Variants in ADAM9 observed in about 807,000 individuals in gnomAD.
ADAM9 encodes disintegrin and metalloproteinase domain-containing protein 9.
A neutral mutation model predicts 108.1 loss-of-function variants in ADAM9; 54 were observed. The observed-to-expected ratio is 0.50, with a 90% CI of 0.40 to 0.63. The LOEUF (loss-of-function observed/expected upper bound fraction) is 0.63, where lower values mean the gene tolerates loss of function less well. ADAM9 is among the 20% of genes least tolerant of loss of function. The probability of loss-of-function intolerance (pLI) is 0.00; values close to 1 mark genes in which losing one functional copy is unlikely to be tolerated. For missense variants in ADAM9, 830 were observed against 997.7 expected (o/e 0.83, Z 2.26); for synonymous variants, 316 against 336.0 (o/e 0.94, Z 0.65).
At chr8:39,086,965 AT>A (rs1285895258) in intron 18 of ADAM9, among the ~76,000 whole-genome samples, 2 of 152,124 alleles carry the variant, frequency 1.3e-5, no homozygotes, top group Non-Finnish European at 2.9e-5. Flanking sequence ...TGTGGGGCTT[AT>A]TTCCACCAAT....
At chr8:39,023,118 T>G in intron 8 of ADAM9, 38 bp from the exon 9 acceptor site, 2 of 1,558,012 alleles carry the variant, frequency 1.3e-6, no homozygotes, top group Non-Finnish European at 1.8e-6. Context: ...CTCACGTTCT[T>G]TACTATATTT....
At chr8:39,080,801 C>T (rs1838996646) in intron 16 of ADAM9, among the ~76,000 whole-genome samples, 1 of 152,004 alleles carries the variant, frequency 6.6e-6, no homozygotes, top group Non-Finnish European at 1.5e-5. Context: ...AATTTTGCTC[C>T]CCACTTGCAT....
chr8:39,092,732 T>G (rs1213224270), intron 20 of ADAM9, among the ~76,000 whole-genome samples: 1 of 152,198 alleles, frequency 6.6e-6, no homozygotes, highest in Non-Finnish European at 1.5e-5. Flanking sequence ...TTAGTAGTTT[T>G]ATAGTTTCAG....
At chr8:39,027,592 A>C (rs891605472) in intron 11 of ADAM9, among the ~76,000 whole-genome samples, 2 of 152,220 alleles carry the variant, frequency 1.3e-5, no homozygotes, top group Non-Finnish European at 2.9e-5. Flanking sequence ...AGAGCTAAAA[A>C]ATAATTATAA....
intron 15 of ADAM9, among the ~76,000 whole-genome samples, chr8:39,075,514 A>G (rs1482892187): frequency 6.6e-6 from 1 of 152,190 alleles, no homozygotes; most frequent in Non-Finnish European, 1.5e-5. Context: ...TGTTTCTGTT[A>G]GTATTATTCA....
rs113649109 is a variant in ADAM9 at position 39,021,671 on chromosome 8, C to T, written c.701C>T (p.Ala234Val). The change falls in exon 8 of 22, where the codon GCT becomes GTT. Residue 234 changes from alanine (A) to valine (V), a missense_variant. Physicochemically the swap from Ala to Val is moderately conservative, Grantham distance 64. This residue lies in a region of ADAM9 where 381 missense variants were observed against 539.8 expected (regional missense o/e 0.71). Transcript: ENST00000487273. ...GACATGATGGGAAGAAATCAGACTG[C>T]TGTGAGAGAAGAGATGATTCTCCTG... is the stretch of plus-strand genomic sequence containing the variant. ...RYDMMGRNQT[A>V]VREEMILLAN... is the part of the protein sequence containing the mutation. 12,366 of 1,613,792 alleles carry T rather than the reference C, an allele frequency of 7.7e-3. 844 individuals are homozygous for T. In the African/African-American group the frequency reaches 0.15, roughly 19 times the overall value.
rs887223022 is a variant in ADAM9, at chr8:39,079,596, T to A, written c.1881+2185T>A. Among the ~76,000 whole-genome samples, 157 of 148,420 alleles carry A rather than the reference T, an allele frequency of 1.1e-3. 2 individuals carry two copies. The highest frequency in any genetic ancestry group is 1.8e-3 in the East Asian group (9 of 5,110). ...AAGCCTATTTTAAAATATCATGAAT[T>A]TTTTTTTTTTTTTTTTGGAGCCTCA... On this transcript the variant is annotated intron_variant, in intron 16 of 21. Transcript: ENST00000487273.
At chr8:39,051,974 C>T (rs1032660731) in intron 12 of ADAM9, among the ~76,000 whole-genome samples, 2 of 151,748 alleles carry the variant, frequency 1.3e-5, no homozygotes, top group African/African-American at 2.4e-5. Context: ...ATACACACGT[C>T]GTGTATATAT....
At chr8:39,072,865 G>A (rs1232034539) in intron 15 of ADAM9, among the ~76,000 whole-genome samples, 1 of 152,158 alleles carries the variant, frequency 6.6e-6, no homozygotes, top group Non-Finnish European at 1.5e-5. Context: ...AATTTACACT[G>A]ATTTTTTTCC....
chr8:39,051,544 T>C (rs1417000278), intron 12 of ADAM9, among the ~76,000 whole-genome samples: 1 of 152,230 alleles, frequency 6.6e-6, no homozygotes, highest in Non-Finnish European at 1.5e-5. Context: ...GAGAAATATT[T>C]GTGTATATAC....
At chr8:39,101,736 A>C in intron 20 of ADAM9, 127 bp from the exon 21 acceptor site, 2 of 822,472 alleles carry the variant, frequency 2.4e-6, no homozygotes, top group East Asian at 2.7e-5. Flanking sequence ...TCTGGTTCTA[A>C]GCATTTCTGA....
chr8:39,020,208 C>T (rs764564632), intron 7 of ADAM9, among the ~76,000 whole-genome samples: 1 of 152,092 alleles, frequency 6.6e-6, no homozygotes, highest in Non-Finnish European at 1.5e-5. Context: ...GCTGAGATGG[C>T]GCCACTGCAC....
intron 6 of ADAM9, chr8:39,018,518 G>T: frequency 3.5e-6 from 1 of 284,518 alleles, no homozygotes; most frequent in Non-Finnish European, 6.7e-6. Flanking sequence ...TTAGAAAATT[G>T]GTAATTCTGC....
chr8:39,044,003 T>A (rs1481074053), intron 12 of ADAM9, among the ~76,000 whole-genome samples: 1 of 152,190 alleles, frequency 6.6e-6, no homozygotes, highest in Non-Finnish European at 1.5e-5. Flanking sequence ...GTTTACCCCT[T>A]ATGGTTTGCA....
intron 18 of ADAM9, among the ~76,000 whole-genome samples, chr8:39,088,172 A>G (rs1012581391): frequency 5.9e-5 from 9 of 152,288 alleles, no homozygotes; most frequent in East Asian, 1.9e-4. Context: ...TAGCCTGCAT[A>G]TAAGTGGACC....
chr8:39,097,152 C>T (rs1839531440), intron 20 of ADAM9, among the ~76,000 whole-genome samples: 1 of 152,108 alleles, frequency 6.6e-6, no homozygotes, highest in Non-Finnish European at 1.5e-5. Context: ...GGAGGACTTA[C>T]GCTACTCAGC....
intron 15 of ADAM9, among the ~76,000 whole-genome samples, chr8:39,074,382 G>T (rs1838789977): frequency 6.6e-6 from 1 of 151,944 alleles, no homozygotes; most frequent in Admixed American, 6.5e-5. Flanking sequence ...ATATACAGAG[G>T]AGTAGAAAGA....
chr8:39,101,730 G>T, intron 20 of ADAM9, 133 bp from the exon 21 acceptor site: 1 of 795,696 alleles, frequency 1.3e-6, no homozygotes, highest in Non-Finnish European at 2.0e-6. Flanking sequence ...AACTCTTCTG[G>T]TTCTAAGCAT....
chr8:39,099,864 G>A (rs1839627931), intron 20 of ADAM9, among the ~76,000 whole-genome samples: 2 of 140,926 alleles, frequency 1.4e-5, no homozygotes, highest in South Asian at 2.3e-4. Context: ...ATATTTTGGG[G>A]TATCGTGTTT....
Sources: gnomAD v4.1 joint callset for allele counts (sites outside exome capture counted in the v4.1 genomes callset) on GRCh38, gnomAD v4.1.1 for gene constraint, gnomAD v4.1.1 regional missense constraint, MANE v1.5 for transcripts, NCBI Gene and HGNC (gene_info 2026-07-23, HGNC 2026-07-21) for gene names.